Variants in ACTN1 observed in about 807,000 individuals in gnomAD.
ACTN1 encodes the protein alpha-actinin-1.
In ACTN1, 30 loss-of-function variants were observed where a neutral mutation model predicts 119.6. That is an observed-to-expected ratio of 0.25 (90% CI 0.19 to 0.34). ACTN1 has a LOEUF of 0.34. Ranked by LOEUF, ACTN1 falls within the 10% of genes least tolerant of loss-of-function variation. The pLI is 1.00. For missense variants in ACTN1, 764 were observed against 1,223.4 expected (o/e 0.62, Z 5.60); for synonymous variants, 429 against 472.6 (o/e 0.91, Z 1.20).
chr14:68,882,601 G>A lies in ACTN1; in HGVS notation c.1819-9C>T, dbSNP rs1377312596. 1 of 1,613,928 alleles carries A rather than the reference G, an allele frequency of 6.2e-7. No individual in the cohort carries two copies. The highest frequency in any genetic ancestry group is 1.7e-5 in the Admixed American group (1 of 60,028). ...GGCACCAGCTGCCGCACCTGGGGCA[G>A]GAACAACAAGGCGACTTTCAGGATG... On this transcript the variant is annotated splice_polypyrimidine_tract_variant and intron_variant, in intron 15 of 21. Transcript: ENST00000394419. This position sits in a 1 kb window ranked among gnomAD's most constrained non-coding sequence, Gnocchi z 4.5.
At chr14:68,963,553 G>A (rs1030797412) in intron 1 of ACTN1, among the ~76,000 whole-genome samples, 6 of 152,182 alleles carry the variant, frequency 3.9e-5, no homozygotes, top group African/African-American at 1.2e-4. Flanking sequence ...AGAATCTCAC[G>A]TATCCAGCTG....
intron 21 of ACTN1, among the ~76,000 whole-genome samples, chr14:68,876,021 G>C (rs2030852493): frequency 6.6e-6 from 1 of 152,038 alleles, no homozygotes; most frequent in African/African-American, 2.4e-5. Flanking sequence ...TTTTAAGACG[G>C]AGTCTCACTC....
chr14:68,966,387 C>A (rs1039556088), intron 1 of ACTN1, among the ~76,000 whole-genome samples: 10 of 152,052 alleles, frequency 6.6e-5, no homozygotes, highest in Non-Finnish European at 7.4e-5. Context: ...ACCATCCTAC[C>A]ATCCAATTTC....
chr14:68,883,701 C>T (rs973159152), intron 14 of ACTN1, among the ~76,000 whole-genome samples: 1 of 152,060 alleles, frequency 6.6e-6, no homozygotes, highest in South Asian at 2.1e-4. Context: ...TCGCTTAAGC[C>T]CAGGAGTTGG....
chr14:68,929,969 G>T (rs957819427), intron 1 of ACTN1, among the ~76,000 whole-genome samples: 1 of 152,272 alleles, frequency 6.6e-6, no homozygotes, highest in African/African-American at 2.4e-5. Context: ...GAGCCATGGA[G>T]CTGGCCATGG....
At chr14:68,950,479 A>ATATATATATATATATATATAG (rs1566667536) in intron 1 of ACTN1, among the ~76,000 whole-genome samples, 1 of 92,654 alleles carries the variant, frequency 1.1e-5, no homozygotes, top group African/African-American at 7.9e-5. Context: ...TATATATATA[A>ATATATATATATATATATATAG]ATCAAACATA....
rs2031260934 is a variant in ACTN1, at chr14:68,879,247, A to G, written c.2281-178T>C. Among the ~76,000 whole-genome samples, 3 of 151,794 alleles carry G rather than the reference A, an allele frequency of 2.0e-5. No homozygotes were observed. Among genetic ancestry groups the G allele is most frequent in the Admixed American group, 2.0e-4 (3 of 15,252 alleles). On this transcript the variant is annotated intron_variant, in intron 18 of 21. Coordinates refer to ENST00000394419, the MANE Select transcript of ACTN1 (RefSeq NM_001130004.2). This position sits in a 1 kb window ranked among gnomAD's most constrained non-coding sequence, Gnocchi z 4.9. ...AAAGTGCACACGGTTAGACACACCA[A>G]CGAGGCTCCAGGGGGTGCCCTCCCC... is the stretch of plus-strand genomic sequence containing the variant.
intron 8 of ACTN1, among the ~76,000 whole-genome samples, chr14:68,898,375 A>G (rs1449838029): frequency 6.6e-6 from 1 of 152,238 alleles, no homozygotes; most frequent in Non-Finnish European, 1.5e-5. Flanking sequence ...GGAAATCAGT[A>G]CACAGACTTA....
intron 1 of ACTN1, among the ~76,000 whole-genome samples, chr14:68,942,224 A>T (rs1177338288): frequency 6.6e-6 from 1 of 152,142 alleles, no homozygotes. Flanking sequence ...CAAAAAATTT[A>T]AAAATGTTAG....
intron 1 of ACTN1, among the ~76,000 whole-genome samples, chr14:68,945,803 A>G (rs2035926115): frequency 6.6e-6 from 1 of 152,196 alleles, no homozygotes; most frequent in African/African-American, 2.4e-5. Flanking sequence ...CGCTGTTCAC[A>G]GCAGTCCCCA....
Position 68,924,944 on chromosome 14 carries a change from C to T in ACTN1, c.220+614G>A, listed in dbSNP as rs534955874. Among the ~76,000 whole-genome samples, 52 of 152,196 alleles carry T rather than the reference C, an allele frequency of 3.4e-4. 1 individual carries two copies. The highest frequency in any genetic ancestry group is 9.2e-4 in the African/African-American group (38 of 41,512). On this transcript the variant is annotated intron_variant, in intron 2 of 21. Coordinates refer to ENST00000394419, the MANE Select transcript of ACTN1 (RefSeq NM_001130004.2). ...GGGACATTGGGGTGGAGACGCCCAG[C>T]GAGGTTCAGCATTTCAGAGGTGGCT...
chr14:68,945,903 C>T (rs1213624334), intron 1 of ACTN1, among the ~76,000 whole-genome samples: 8 of 152,166 alleles, frequency 5.3e-5, no homozygotes, highest in African/African-American at 1.9e-4. Flanking sequence ...ACCCACTGCC[C>T]CAAGTGTTCT....
rs59084883 is a variant in ACTN1 at position 68,909,205 on chromosome 14, G to A, written c.594+113C>T. ...GGGCTCTGTCTGGCTATTCTAAGAG[G>A]CCAACACTGCTCAGGCTGGACCATG... is the stretch of plus-strand genomic sequence containing the variant. On this transcript the variant is annotated intron_variant, in intron 6 of 21. Coordinates refer to ENST00000394419, the MANE Select transcript of ACTN1 (RefSeq NM_001130004.2). This position sits in a 1 kb window ranked among gnomAD's most constrained non-coding sequence, Gnocchi z 4.1. 2,095 of 1,069,670 alleles carry A rather than the reference G, an allele frequency of 2.0e-3. 29 individuals carry two copies. The African/African-American group carries it at 0.029, about 15-fold the overall frequency. 66.3% of individuals were successfully genotyped at this position (1,069,670 alleles called of 1,614,324 possible).
chr14:68,925,423 A>C lies in ACTN1; in HGVS notation c.220+135T>G. ...AACCAGAACTCAGACCCACGCTCCT[A>C]GGATGAATTCATACATGTCATCCCC... is the stretch of plus-strand genomic sequence containing the variant. On this transcript the variant is annotated intron_variant, in intron 2 of 21. Coordinates refer to ENST00000394419, the MANE Select transcript of ACTN1 (RefSeq NM_001130004.2). The surrounding 1 kb of genome is among the most constrained non-coding windows in gnomAD (Gnocchi z 4.3). The C allele has an allele frequency of 3.9e-6, 2 of 510,226 alleles. No homozygotes were observed. The highest frequency in any genetic ancestry group is 8.0e-5 in the East Asian group (2 of 25,118). 31.6% of individuals were successfully genotyped at this position (510,226 alleles called of 1,614,324 possible).
chr14:68,938,955 CCCA>C (rs1304655936), intron 1 of ACTN1, among the ~76,000 whole-genome samples: 1 of 152,180 alleles, frequency 6.6e-6, no homozygotes, highest in East Asian at 1.9e-4. Context: ...CCATCTACAG[CCCA>C]TTTCAAAAGA....
At chr14:68,974,607 C>T (rs570740451) in intron 1 of ACTN1, among the ~76,000 whole-genome samples, 59 of 152,166 alleles carry the variant, frequency 3.9e-4, no homozygotes, top group Non-Finnish European at 6.3e-4. Context: ...GGTAAGGCTC[C>T]CAGCAGAACC....
chr14:68,979,143 G>C lies in ACTN1; in HGVS notation c.-87C>G. 1.3e-6 allele frequency: 1 copy of C among 742,122 alleles called. No individual in the cohort carries two copies. Among genetic ancestry groups the C allele is most frequent in the Admixed American group, 2.8e-5 (1 of 36,268 alleles). The allele number at this position is 742,122 out of a possible 1,614,324, so 46.0% of individuals were successfully genotyped here. A position where few individuals can be genotyped will look rare whatever the true frequency, so the allele number is the denominator to read the frequency against. The stretch of plus-strand genomic sequence containing the variant: ...CTGCCCTGGCGTGGGGAGGGAGTAG[G>C]GCTGGGCTGGGCTGGGCTGGCGGGG... On this transcript the variant is annotated 5_prime_UTR_variant, in exon 1 of 22. Transcript: ENST00000394419.
chr14:68,928,508 A>G (rs2035041735), intron 1 of ACTN1, among the ~76,000 whole-genome samples: 2 of 152,114 alleles, frequency 1.3e-5, no homozygotes, highest in Non-Finnish European at 2.9e-5. Context: ...AACAACATGC[A>G]CTTCGGGACG....
intron 1 of ACTN1, among the ~76,000 whole-genome samples, chr14:68,926,774 C>T (rs1030029048): frequency 6.6e-6 from 1 of 152,184 alleles, no homozygotes; most frequent in Non-Finnish European, 1.5e-5. Flanking sequence ...TCCCTTCCTC[C>T]TGCCCTGGGG....
Sources: gnomAD v4.1 joint callset for allele counts (sites outside exome capture counted in the v4.1 genomes callset) on GRCh38, gnomAD v4.1.1 for gene constraint, Gnocchi (gnomAD v3.1) non-coding constraint, MANE v1.5 for transcripts, NCBI Gene and HGNC (gene_info 2026-07-23, HGNC 2026-07-21) for gene names.